SPTBN2: variants seen among roughly 807,000 people sequenced by gnomAD.
The protein encoded by SPTBN2 is spectrin beta chain, non-erythrocytic 2.
SPTBN2 carries 107 observed loss-of-function variants against 284.2 expected under a neutral mutation model. That is an observed-to-expected ratio of 0.38 (90% CI 0.32 to 0.44). SPTBN2 has a LOEUF of 0.44. Ranked by LOEUF, SPTBN2 falls within the 20% of genes least tolerant of loss-of-function variation. The pLI is 1.00. For synonymous variants in SPTBN2, 1,289 were observed against 1,354.8 expected (o/e 0.95, Z 1.07); for missense variants, 2,569 against 3,287.1 (o/e 0.78, Z 5.34).
intron 29 of SPTBN2, chr11:66,689,489 C>T (rs896479767): frequency 9.3e-6 from 5 of 536,732 alleles, no homozygotes; most frequent in African/African-American, 7.6e-5. Context: ...TCATCACAGC[C>T]CAGCCACACA....
intron 1 of SPTBN2, among the ~76,000 whole-genome samples, chr11:66,723,838 C>G (rs993820081): frequency 6.6e-6 from 1 of 152,168 alleles, no homozygotes; most frequent in East Asian, 1.9e-4. Flanking sequence ...ACCTAATACT[C>G]TCAGCTTCTA....
At position 66,693,261 on chromosome 11, in the gene SPTBN2, G is replaced by T. The variant is rs771877691; in HGVS notation, c.4779C>A (p.Phe1593Leu). 6.2e-7 allele frequency: 1 copy of T among 1,614,000 alleles called. No individual in the cohort carries two copies. The highest frequency in any genetic ancestry group is 8.5e-7 in the Non-Finnish European group (1 of 1,180,040). Reference protein sequence around the residue: ...RLEDALRAQQFYRDAAEAEAW... With the variant: ...RLEDALRAQQLYRDAAEAEAW... Reference sequence around the variant, plus strand: ...CCTCCGCCTCGGCGGCATCGCGGTAGAACTGCTGGGCTCGCAGGGCATCCT... The same window carrying T: ...CCTCCGCCTCGGCGGCATCGCGGTATAACTGCTGGGCTCGCAGGGCATCCT... Residue 1593 changes from phenylalanine to leucine, a missense_variant, in exon 24 of 38, where the codon TTC (phenylalanine) becomes TTA (leucine). Physicochemically the swap from Phe to Leu is conservative, Grantham distance 22. This residue lies in a region of SPTBN2 where 1,130 missense variants were observed against 1,317.3 expected (regional missense o/e 0.86). Transcript: ENST00000533211. This position sits in a 1 kb window ranked among gnomAD's most constrained non-coding sequence, Gnocchi z 5.7.
At position 66,705,212 on chromosome 11, in the gene SPTBN2, G is replaced by A. The variant is rs376219874; in HGVS notation, c.2064C>T (p.Gly688=). Reference sequence around the variant, plus strand: ...GGGGCCCCAGCCGGCCGCTCATCTCGCCCCGCAGGGCTGTGTGCTTGTTGA... The same window carrying A: ...GGGGCCCCAGCCGGCCGCTCATCTCACCCCGCAGGGCTGTGTGCTTGTTGA... ...RLLNKHTALR[G]EMSGRLGPLK... is the part of the protein sequence containing the mutation. The change falls in exon 15 of 38, where the codon GGC becomes GGT. Residue 688 remains glycine (G), a synonymous_variant. Transcript: ENST00000533211. 471 of 1,541,712 alleles carry A rather than the reference G, an allele frequency of 3.1e-4. No individual in the cohort carries two copies. The highest frequency in any genetic ancestry group is 3.8e-4 in the Non-Finnish European group (437 of 1,147,458).
chr11:66,711,476 T>C lies in SPTBN2; in HGVS notation c.773-447A>G, dbSNP rs919181305. 2.0e-5 allele frequency among the ~76,000 whole-genome samples: 3 copies of C among 152,212 alleles called. No homozygotes were observed. The South Asian group carries it at 6.2e-4, about 32-fold the overall frequency. On this transcript the variant is annotated intron_variant, in intron 8 of 37. Coordinates refer to ENST00000533211, the MANE Select transcript of SPTBN2 (RefSeq NM_006946.4). ...AGGATGCTCAGATCGATGGGCCCTG[T>C]GATCCCTGCAGCTCAGTGGGGACAG... is the stretch of plus-strand genomic sequence containing the variant.
In SPTBN2 at chr11:66,692,654, T is replaced by A. The variant is rs759411271; in HGVS notation, c.5072A>T (p.Gln1691Leu). The A allele has an allele frequency of 6.2e-7, 1 of 1,604,672 alleles. No individual in the cohort carries two copies. Among genetic ancestry groups the A allele is most frequent in the South Asian group, 1.1e-5 (1 of 91,082 alleles). Residue 1691 changes from glutamine (Q) to leucine (L), a missense_variant, in exon 26 of 38, where the codon CAG becomes CTG. Around this residue, in one of 6 missense-constraint regions of SPTBN2, gnomAD observed 1,130 missense variants for 1,317.3 expected, o/e 0.86. Transcript: ENST00000533211. ...ELAGERRERL[Q>L]EHLRLCQLRR... ...GAGCTGGCACAGCCGGAGGTGCTCC[T>A]GCAGGCGCTCCCGCCGCTCTCCAGC...
Position 66,715,432 on chromosome 11 carries a change from GGGCTTCCA to G in SPTBN2, c.310-45_310-38del. On this transcript the variant is annotated intron_variant, in intron 4 of 37. Transcript: ENST00000533211. The surrounding 1 kb of genome is among the most constrained non-coding windows in gnomAD (Gnocchi z 5.3). ...CGGGGGCAAAATGGCACGGGACTGTGGGCTTCCACCTTCTTCCCCAGCCTTCACAGGGC... is the reference window on the plus strand; with the variant it reads ...CGGGGGCAAAATGGCACGGGACTGTGCCTTCTTCCCCAGCCTTCACAGGGC... 1 of 1,588,020 alleles carries G rather than the reference GGGCTTCCA, an allele frequency of 6.3e-7. No individual in the cohort carries two copies. Among genetic ancestry groups the G allele is most frequent in the South Asian group, 1.1e-5 (1 of 87,282 alleles).
chr11:66,740,520 C>A (rs907710905), intron 1 of SPTBN2, among the ~76,000 whole-genome samples: 1 of 152,162 alleles, frequency 6.6e-6, no homozygotes, highest in African/African-American at 2.4e-5. Context: ...AGATTCTGTG[C>A]TCCAGGTGGA....
In SPTBN2 at chr11:66,703,696, C is replaced by A. The variant is rs866590484; in HGVS notation, c.2678+902G>T. Among the ~76,000 whole-genome samples, 16 of 151,846 alleles carry A rather than the reference C, an allele frequency of 1.1e-4. No homozygotes were observed. The South Asian group carries it at 3.3e-3, about 32-fold the overall frequency. On this transcript the variant is annotated intron_variant, in intron 15 of 37. Transcript: ENST00000533211. Reference sequence around the variant, plus strand: ...AGCATGCAGTGAGCCGAGATCGCACCACTGCGCTCCAGCCTGGGTGACAGA... The same window carrying A: ...AGCATGCAGTGAGCCGAGATCGCACAACTGCGCTCCAGCCTGGGTGACAGA...
intron 1 of SPTBN2, among the ~76,000 whole-genome samples, chr11:66,740,301 A>T (rs1590999301): frequency 2.0e-5 from 3 of 152,262 alleles, no homozygotes; most frequent in African/African-American, 7.2e-5. Flanking sequence ...AGTTATATAA[A>T]CTTTGGTACT....
At chr11:66,698,817 A>G (rs199735968) in intron 19 of SPTBN2, 32 bp from the exon 20 acceptor site, 28 of 1,612,000 alleles carry the variant, frequency 1.7e-5, no homozygotes, top group Non-Finnish European at 2.4e-5. Flanking sequence ...GACATTTCCA[A>G]GGGAGGGGAG....
In SPTBN2 at chr11:66,686,449, A is replaced by G. The variant is rs771865148; in HGVS notation, c.6897-9T>C. On this transcript the variant is annotated splice_polypyrimidine_tract_variant and intron_variant, in intron 36 of 37. Transcript: ENST00000533211. ...CTTTTCCATCCTGTAAGCTGTTGGG[A>G]GAGAGAGGCCACAGGGCAGAGCTGA... 4.3e-6 allele frequency: 7 copies of G among 1,613,824 alleles called. No homozygotes were observed. Among genetic ancestry groups the G allele is most frequent in the Admixed American group, 1.7e-5 (1 of 60,014 alleles).
rs1404861706 is a variant in SPTBN2 at position 66,700,534 on chromosome 11, T to C, written c.3565A>G (p.Ser1189Gly). The C allele has an allele frequency of 6.2e-7, 1 of 1,604,246 alleles. No homozygotes were observed. The highest frequency in any genetic ancestry group is 1.7e-5 in the Admixed American group (1 of 60,026). ...RDARQAEGVLSSQEYVLSHTE... is the reference protein window; with the variant it reads ...RDARQAEGVLGSQEYVLSHTE... ...TTGCCCTGGACTTTCACCTGGCTGC[T>C]GAGCACGCCCTCAGCCTGACGAGCA... is the stretch of plus-strand genomic sequence containing the variant. The change falls in exon 17 of 38, where the codon AGC becomes GGC. Residue 1189 changes from serine to glycine, a missense_variant. Coordinates refer to ENST00000533211, the MANE Select transcript of SPTBN2 (RefSeq NM_006946.4). This position sits in a 1 kb window ranked among gnomAD's most constrained non-coding sequence, Gnocchi z 6.6.
chr11:66,703,795 A>G (rs1941377768), intron 15 of SPTBN2, among the ~76,000 whole-genome samples: 1 of 152,126 alleles, frequency 6.6e-6, no homozygotes, highest in Admixed American at 6.5e-5. Flanking sequence ...GGTTCTATAA[A>G]AAAATTTTTA....
intron 1 of SPTBN2, among the ~76,000 whole-genome samples, chr11:66,726,441 G>C (rs1448818440): frequency 6.6e-6 from 1 of 152,196 alleles, no homozygotes; most frequent in Non-Finnish European, 1.5e-5. Flanking sequence ...TGAAGCTAAT[G>C]GTCTGGGGAC....
intron 1 of SPTBN2, among the ~76,000 whole-genome samples, chr11:66,722,109 A>G (rs1233581755): frequency 6.6e-6 from 1 of 152,174 alleles, no homozygotes; most frequent in Non-Finnish European, 1.5e-5. Flanking sequence ...AGGACACAGT[A>G]TGCTTCTCTC....
At chr11:66,689,744 CAAG>C (rs1940405110) in intron 29 of SPTBN2, 58 bp downstream of exon 29, 7 of 1,606,914 alleles carry the variant, frequency 4.4e-6, no homozygotes, top group Middle Eastern at 2.1e-4. Context: ...AGAAAGCCAC[CAAG>C]AAGTCAGCGT....
Position 66,705,062 on chromosome 11 carries a change from C to G in SPTBN2, c.2214G>C (p.Glu738Asp). 6.3e-7 allele frequency: 1 copy of G among 1,592,648 alleles called. No homozygotes were observed. Among genetic ancestry groups the G allele is most frequent in the Non-Finnish European group, 8.5e-7 (1 of 1,176,646 alleles). Residue 738 changes from glutamate to aspartate, a missense_variant, in exon 15 of 38, where the codon GAG becomes GAC. Around this residue, in one of 6 missense-constraint regions of SPTBN2, gnomAD observed 1,012 missense variants for 1,248.9 expected, o/e 0.81. Transcript: ENST00000533211. Reference sequence around the variant, plus strand: ...CGGCTTGGGCCAGCCGCTGGGCACGCTCCTCGGCCAGGGCCTCTAGCCGCT... The same window carrying G: ...CGGCTTGGGCCAGCCGCTGGGCACGGTCCTCGGCCAGGGCCTCTAGCCGCT... ...QWERLEALAE[E>D]RAQRLAQAAS...
chr11:66,739,396 T>C, intron 1 of SPTBN2, among the ~76,000 whole-genome samples: 1 of 152,220 alleles, frequency 6.6e-6, no homozygotes, highest in Non-Finnish European at 1.5e-5. Flanking sequence ...TTTACCTCTC[T>C]TTAGGTGTTA....
intron 1 of SPTBN2, among the ~76,000 whole-genome samples, chr11:66,735,944 C>A (rs879575268): frequency 6.6e-6 from 1 of 152,126 alleles, no homozygotes; most frequent in African/African-American, 2.4e-5. Context: ...AAGTAAAGGT[C>A]GGAAAGGTGG....
Sources: allele counts gnomAD v4.1 joint callset (sites outside exome capture counted in the v4.1 genomes callset), GRCh38; gene constraint gnomAD v4.1.1; regional missense constraint gnomAD v4.1.1; non-coding constraint Gnocchi (gnomAD v3.1); transcripts MANE v1.5; gene names NCBI Gene and HGNC (gene_info 2026-07-23, HGNC 2026-07-21).